SSH2: variants seen among roughly 807,000 people sequenced by gnomAD.
The protein encoded by SSH2 is protein phosphatase Slingshot homolog 2.
Under a neutral mutation model 135.2 loss-of-function variants are expected in SSH2, and 37 were observed. The ratio of observed to expected loss-of-function variants is 0.27; its 90% CI spans 0.21 to 0.36. The LOEUF (loss-of-function observed/expected upper bound fraction) is 0.36. SSH2 is among the 10% of genes least tolerant of loss of function. The pLI is 1.00. For synonymous variants in SSH2, 628 were observed against 646.2 expected (o/e 0.97, Z 0.43); for missense variants, 1,408 against 1,765.3 (o/e 0.80, Z 3.63).
chr17:29,836,346 A>T (rs946772938), intron 2 of SSH2, among the ~76,000 whole-genome samples: 4 of 152,128 alleles, frequency 2.6e-5, no homozygotes, highest in African/African-American at 9.7e-5. Context: ...CATATTCTGT[A>T]ATTGAATATT....
intron 3 of SSH2, among the ~76,000 whole-genome samples, chr17:29,763,946 CTT>C (rs57261890): frequency 1.1e-3 from 150 of 139,692 alleles, no homozygotes; most frequent in Non-Finnish European, 1.1e-3. Context: ...ATGTCTCCTG[CTT>C]TTTTTTTTTT....
chr17:29,675,359 C>T (rs571383550), intron 8 of SSH2, among the ~76,000 whole-genome samples: 48 of 152,226 alleles, frequency 3.2e-4, no homozygotes, highest in East Asian at 5.8e-4. Flanking sequence ...CTATCCATTC[C>T]GCTCCCCATG....
At chr17:29,655,533 G>A in intron 12 of SSH2, 28 bp downstream of exon 12, 1 of 1,609,762 alleles carries the variant, frequency 6.2e-7, no homozygotes, top group East Asian at 2.2e-5. Flanking sequence ...GTTACACAGG[G>A]GTGCCAGCTA....
intron 1 of SSH2, among the ~76,000 whole-genome samples, chr17:29,861,039 C>T (rs1271013332): frequency 6.6e-6 from 1 of 152,156 alleles, no homozygotes; most frequent in African/African-American, 2.4e-5. Context: ...GCCACCGTGT[C>T]CAGCCCTTTG....
At chr17:29,872,387 G>C (rs1048386138) in intron 1 of SSH2, among the ~76,000 whole-genome samples, 1 of 152,098 alleles carries the variant, frequency 6.6e-6, no homozygotes. Flanking sequence ...AACAAAGAAA[G>C]AAATCTCCCT....
At chr17:29,902,491 T>C (rs1211014895) in intron 1 of SSH2, among the ~76,000 whole-genome samples, 2 of 152,050 alleles carry the variant, frequency 1.3e-5, no homozygotes, top group Non-Finnish European at 2.9e-5. Flanking sequence ...GAATAGCAAA[T>C]TATAAGTTCA....
At chr17:29,928,853 C>CT (rs1293269786) in intron 1 of SSH2, among the ~76,000 whole-genome samples, 1 of 149,822 alleles carries the variant, frequency 6.7e-6, no homozygotes, top group Non-Finnish European at 1.5e-5. Context: ...TATTAAATAC[C>CT]TTTTTTTGCA....
chr17:29,817,705 T>C (rs1037714692), intron 2 of SSH2, among the ~76,000 whole-genome samples: 1 of 152,248 alleles, frequency 6.6e-6, no homozygotes, highest in Non-Finnish European at 1.5e-5. Flanking sequence ...AAGTGTCTTA[T>C]GTAAAATGGC....
chr17:29,865,783 A>G (rs1395854926), intron 1 of SSH2, among the ~76,000 whole-genome samples: 1 of 152,212 alleles, frequency 6.6e-6, no homozygotes, highest in Non-Finnish European at 1.5e-5. Flanking sequence ...GAAGATGAAG[A>G]ACAATAAATT....
chr17:29,920,058 C>T (rs2066948985), intron 1 of SSH2, among the ~76,000 whole-genome samples: 1 of 152,130 alleles, frequency 6.6e-6, no homozygotes, highest in Admixed American at 6.5e-5. Context: ...AGGCATGCGC[C>T]ACCACACTCA....
intron 3 of SSH2, among the ~76,000 whole-genome samples, chr17:29,783,076 G>A (rs145552738): frequency 0.014 from 2,094 of 151,984 alleles, 22 homozygotes; most frequent in Middle Eastern, 0.027. Context: ...CATTGAATTG[G>A]GAGTGCTGAT....
chr17:29,842,136 G>A (rs2043052256), intron 2 of SSH2, among the ~76,000 whole-genome samples: 1 of 112,938 alleles, frequency 8.9e-6, no homozygotes, highest in Non-Finnish European at 2.0e-5. Flanking sequence ...TGATTTAACT[G>A]GAGGAGACCC....
chr17:29,833,634 T>C (rs2151367458), intron 2 of SSH2, among the ~76,000 whole-genome samples: 1 of 150,822 alleles, frequency 6.6e-6, no homozygotes, highest in Middle Eastern at 3.5e-3. Context: ...TTATTTGTTT[T>C]CTGTTTTTTT....
At chr17:29,917,834 G>A (rs967203087) in intron 1 of SSH2, among the ~76,000 whole-genome samples, 1 of 151,956 alleles carries the variant, frequency 6.6e-6, no homozygotes, top group African/African-American at 2.4e-5. Context: ...CAGCCTGGGC[G>A]ACAGAGCAAG....
At chr17:29,929,136 G>A (rs1396217688) in intron 1 of SSH2, 1 of 152,136 alleles carries the variant, frequency 6.6e-6, no homozygotes, top group Non-Finnish European at 1.5e-5. Context: ...GGGAAAGGCT[G>A]GTTACTGGGT....
intron 2 of SSH2, among the ~76,000 whole-genome samples, chr17:29,798,934 A>G (rs2042203965): frequency 6.6e-6 from 1 of 152,090 alleles, no homozygotes; most frequent in South Asian, 2.1e-4. Context: ...TATTGGGTCT[A>G]CCTCTTTGCA....
chr17:29,778,547 G>A (rs2041760643), intron 3 of SSH2, among the ~76,000 whole-genome samples: 1 of 152,026 alleles, frequency 6.6e-6, no homozygotes, highest in Admixed American at 6.6e-5. Flanking sequence ...GGCTGAGGCC[G>A]GAGAATTGCT....
chr17:29,648,496 TA>T, intron 13 of SSH2, 152 bp from the exon 14 acceptor site: 1 of 613,452 alleles, frequency 1.6e-6, no homozygotes, highest in Non-Finnish European at 2.8e-6. Flanking sequence ...TATACATTTA[TA>T]ATCAAATGTG....
At chr17:29,672,970 A>G (rs924452573) in intron 8 of SSH2, among the ~76,000 whole-genome samples, 1 of 152,072 alleles carries the variant, frequency 6.6e-6, no homozygotes, top group Non-Finnish European at 1.5e-5. Flanking sequence ...GCCTCCAAAA[A>G]TGCTGGGATT....
Sources: allele counts gnomAD v4.1 joint callset (sites outside exome capture counted in the v4.1 genomes callset), GRCh38; gene constraint gnomAD v4.1.1; transcripts MANE v1.5; gene names NCBI Gene and HGNC (gene_info 2026-07-23, HGNC 2026-07-21).